Variants in CHRNB3 observed in about 807,000 individuals in gnomAD.
The protein encoded by CHRNB3 is cholinergic receptor nicotinic beta 3 subunit.
CHRNB3 carries 37 observed loss-of-function variants against 40.6 expected under a neutral mutation model. The ratio of observed to expected loss-of-function variants is 0.91; its 90% CI spans 0.70 to 1.20. The LOEUF is 1.20. CHRNB3 is among the 50% of genes most tolerant of loss of function. The pLI, the probability that CHRNB3 is intolerant of heterozygous loss-of-function variation, is 0.00. For synonymous variants in CHRNB3, 207 were observed against 207.1 expected (o/e 1.00, Z 0.00); for missense variants, 505 against 551.2 (o/e 0.92, Z 0.84).
intron 2 of CHRNB3, 149 bp from the exon 3 acceptor site, chr8:42,710,241 C>T: frequency 3.1e-6 from 2 of 637,780 alleles, no homozygotes; most frequent in South Asian, 3.5e-5. Flanking sequence ...TGGCTTGAGC[C>T]CCGGAGGTTG....
In CHRNB3 at chr8:42,710,419, T is replaced by C; in HGVS notation, c.234T>C (p.Asn78=). The change falls in exon 3 of 6, where the codon AAT becomes AAC. Residue 78 remains asparagine, a synonymous_variant. Coordinates refer to ENST00000289957, the MANE Select transcript of CHRNB3 (RefSeq NM_000749.5). The part of the protein sequence containing the change: ...VDEKNQLMTT[N]VWLKQEWTDH... ...AAAAGAATCAGCTGATGACAACCAA[T>C]GTGTGGCTCAAACAGGTAAATTTCA... 1.2e-6 allele frequency: 2 copies of C among 1,610,934 alleles called. No homozygotes were observed. The highest frequency in any genetic ancestry group is 1.3e-5 in the African/African-American group (1 of 74,904).
At chr8:42,717,350 G>A (rs1328222041) in intron 3 of CHRNB3, among the ~76,000 whole-genome samples, 1 of 76,054 alleles carries the variant, frequency 1.3e-5, no homozygotes, top group Non-Finnish European at 2.6e-5. Context: ...CTCCAGCCTG[G>A]GTGACAGAGC....
At position 42,736,519 on chromosome 8, in the gene CHRNB3, T is replaced by C. The variant is rs1440175559; in HGVS notation, c.1278T>C (p.Leu426=). The C allele has an allele frequency of 6.2e-7, 1 of 1,614,248 alleles. No homozygotes were observed. Among genetic ancestry groups the C allele is most frequent in the Admixed American group, 1.7e-5 (1 of 60,022 alleles). ...ACTGGAAATTTGTAGCTCAAGTTCTTGACCGAATCTTCCTGTGGCTCTTTC... is the reference window on the plus strand; with the variant it reads ...ACTGGAAATTTGTAGCTCAAGTTCTCGACCGAATCTTCCTGTGGCTCTTTC... The part of the protein sequence containing the change: ...VQDWKFVAQV[L]DRIFLWLFLI... The change falls in exon 6 of 6, where the codon CTT becomes CTC. Residue 426 remains leucine (L), a synonymous_variant. Coordinates refer to ENST00000289957, the MANE Select transcript of CHRNB3 (RefSeq NM_000749.5).
At chr8:42,705,389 C>G (rs75142502) in intron 1 of CHRNB3, among the ~76,000 whole-genome samples, 1 of 152,138 alleles carries the variant, frequency 6.6e-6, no homozygotes, top group African/African-American at 2.4e-5. Flanking sequence ...TGACCCCCAA[C>G]GCAGTAGTGT....
intron 2 of CHRNB3, among the ~76,000 whole-genome samples, chr8:42,709,811 T>C (rs1185389152): frequency 6.6e-6 from 1 of 152,162 alleles, no homozygotes; most frequent in Non-Finnish European, 1.5e-5. Context: ...TTTGTATTTT[T>C]AGTAGAGACG....
At chr8:42,698,314 T>C (rs910963807) in intron 1 of CHRNB3, among the ~76,000 whole-genome samples, 6 of 152,242 alleles carry the variant, frequency 3.9e-5, no homozygotes, top group African/African-American at 1.4e-4. Context: ...TGGGAATCTT[T>C]TCACTTTTTG....
chr8:42,733,826 C>T (rs1355121948), intron 5 of CHRNB3, among the ~76,000 whole-genome samples: 1 of 151,242 alleles, frequency 6.6e-6, no homozygotes, highest in Non-Finnish European at 1.5e-5. Context: ...GAACTCCTGA[C>T]CTCGGGTGAT....
intron 5 of CHRNB3, among the ~76,000 whole-genome samples, chr8:42,733,589 CTTCT>C (rs1439881784): frequency 3.8e-5 from 5 of 131,792 alleles, no homozygotes; most frequent in East Asian, 2.4e-4. Context: ...CCTCATCCTT[CTTCT>C]TTTTTTTTTT....
chr8:42,731,578 C>A, intron 4 of CHRNB3, 89 bp from the exon 5 acceptor site: 1 of 1,365,202 alleles, frequency 7.3e-7, no homozygotes, highest in South Asian at 1.5e-5. Flanking sequence ...AAAGAAAAGT[C>A]ATAAAACAGA....
chr8:42,707,358 T>C (rs1815937589), intron 1 of CHRNB3, among the ~76,000 whole-genome samples: 1 of 152,222 alleles, frequency 6.6e-6, no homozygotes, highest in Admixed American at 6.5e-5. Context: ...TTACCCAGCA[T>C]GTGGATATCT....
In CHRNB3 at chr8:42,708,831, T is replaced by C. The variant is rs1357687556; in HGVS notation, c.167T>C (p.Val56Ala). The change falls in exon 2 of 6, where the codon GTA becomes GCA. Residue 56 changes from valine (V) to alanine (A), a missense_variant. Physicochemically the swap from Val to Ala is moderately conservative, Grantham distance 64. Coordinates refer to ENST00000289957, the MANE Select transcript of CHRNB3 (RefSeq NM_000749.5). ...TTACATTCTAATGACACCATAAAAG[T>C]ATATTTTGGATTGAAAATATCCCAG... ...PVLHSNDTIK[V>A]YFGLKISQLV... The C allele has an allele frequency of 5.6e-6, 9 of 1,613,704 alleles. No individual in the cohort carries two copies. Among genetic ancestry groups the C allele is most frequent in the Non-Finnish European group, 7.6e-6 (9 of 1,179,854 alleles).
At chr8:42,736,402 T>C in intron 5 of CHRNB3, 82 bp from the exon 6 acceptor site, 1 of 1,495,638 alleles carries the variant, frequency 6.7e-7, no homozygotes. Flanking sequence ...AATCTGAATG[T>C]TACTCTTTTT....
chr8:42,716,614 G>T (rs747317400), intron 3 of CHRNB3, among the ~76,000 whole-genome samples: 1 of 152,114 alleles, frequency 6.6e-6, no homozygotes, highest in Non-Finnish European at 1.5e-5. Context: ...AAATGTCTAG[G>T]TGGGTGGTAA....
chr8:42,710,350 A>C, intron 2 of CHRNB3, 40 bp from the exon 3 acceptor site: 1 of 1,445,470 alleles, frequency 6.9e-7, no homozygotes, highest in Non-Finnish European at 9.6e-7. Context: ...ACTTATTTTC[A>C]CTTCAACTTA....
chr8:42,719,312 C>T (rs1207654734), intron 3 of CHRNB3, among the ~76,000 whole-genome samples: 1 of 152,178 alleles, frequency 6.6e-6, no homozygotes, highest in Non-Finnish European at 1.5e-5. Flanking sequence ...TCCTGGTCTA[C>T]AGGGCACAGC....
In CHRNB3 at chr8:42,732,157, G is replaced by A; in HGVS notation, c.850G>A (p.Glu284Lys). ...GACAGTTTTCCTTTTAGTGATTGAAGAAATCATCCCATCGTCTTCCAAAGT... is the reference window on the plus strand; with the variant it reads ...GACAGTTTTCCTTTTAGTGATTGAAAAAATCATCCCATCGTCTTCCAAAGT... The part of the protein sequence containing the change: ...SLTVFLLVIE[E>K]IIPSSSKVIP... Residue 284 changes from glutamate (E) to lysine (K), a missense_variant, in exon 5 of 6, where the codon GAA (glutamate) becomes AAA (lysine). Glu to Lys is a moderately conservative substitution (Grantham distance 56). Transcript: ENST00000289957. 6.2e-7 allele frequency: 1 copy of A among 1,610,880 alleles called. No homozygotes were observed. The highest frequency in any genetic ancestry group is 8.5e-7 in the Non-Finnish European group (1 of 1,179,098).
At chr8:42,700,650 TA>T (rs1056204175) in intron 1 of CHRNB3, among the ~76,000 whole-genome samples, 1 of 152,180 alleles carries the variant, frequency 6.6e-6, no homozygotes, top group Admixed American at 6.5e-5. Flanking sequence ...TGGCTGAGGA[TA>T]AAAAAATGGC....
intron 1 of CHRNB3, among the ~76,000 whole-genome samples, chr8:42,707,498 C>T (rs1815939085): frequency 6.6e-6 from 1 of 152,202 alleles, no homozygotes; most frequent in Non-Finnish European, 1.5e-5. Context: ...AATGGGACTG[C>T]ACCTGTGAAT....
intron 1 of CHRNB3, among the ~76,000 whole-genome samples, chr8:42,700,138 A>C (rs1815760307): frequency 6.6e-6 from 1 of 150,888 alleles, no homozygotes; most frequent in Non-Finnish European, 1.5e-5. Flanking sequence ...CTCAGCCTCC[A>C]GAGGAGCTGG....
Sources: gnomAD v4.1 joint callset for allele counts (sites outside exome capture counted in the v4.1 genomes callset) on GRCh38, gnomAD v4.1.1 for gene constraint, MANE v1.5 for transcripts, NCBI Gene and HGNC (gene_info 2026-07-23, HGNC 2026-07-21) for gene names.